Variants in PAM observed in about 807,000 individuals in gnomAD.
PAM encodes peptidyl-glycine alpha-amidating monooxygenase.
Under a neutral mutation model 122.1 loss-of-function variants are expected in PAM, and 72 were observed. The ratio of observed to expected loss-of-function variants is 0.59; its 90% CI spans 0.49 to 0.72. The LOEUF (loss-of-function observed/expected upper bound fraction) is 0.72. Ranked by LOEUF, PAM falls within the 30% of genes least tolerant of loss-of-function variation. PAM has a pLI of 0.00. For synonymous variants in PAM, 389 were observed against 404.4 expected, an observed-to-expected ratio of 0.96 and a Z score of 0.46; for missense variants, 1,106 against 1,183.7, an observed-to-expected ratio of 0.93 and a Z score of 0.96.
chr5:102,900,172 G>A (rs1188894964), intron 3 of PAM, among the ~76,000 whole-genome samples: 3 of 146,490 alleles, frequency 2.0e-5, no homozygotes, highest in South Asian at 4.3e-4. Flanking sequence ...CTTGAAGGGT[G>A]ATAGGATCAC....
At chr5:102,760,386 T>A (rs1456329821) in intron 1 of PAM, among the ~76,000 whole-genome samples, 27 of 152,186 alleles carry the variant, frequency 1.8e-4, no homozygotes, top group Admixed American at 1.6e-3. Flanking sequence ...TCTTCCAGCA[T>A]CCCCATGAAA....
intron 7 of PAM, among the ~76,000 whole-genome samples, chr5:102,929,319 C>T (rs1182201464): frequency 6.6e-6 from 1 of 152,038 alleles, no homozygotes; most frequent in Non-Finnish European, 1.5e-5. Flanking sequence ...TCCAGATGCA[C>T]CTAGAAGTGG....
chr5:102,847,669 A>G (rs1275998993), intron 1 of PAM, among the ~76,000 whole-genome samples: 5 of 152,228 alleles, frequency 3.3e-5, no homozygotes, highest in Non-Finnish European at 7.3e-5. Context: ...ATTTAGGTTA[A>G]TATCATTCCG....
intron 1 of PAM, among the ~76,000 whole-genome samples, chr5:102,779,611 G>A (rs536126308): frequency 6.6e-6 from 1 of 152,010 alleles, no homozygotes; most frequent in South Asian, 2.1e-4. Context: ...AGTGGGCTGG[G>A]GAAGGCAGAC....
chr5:102,787,945 G>A (rs1760990333), intron 1 of PAM, among the ~76,000 whole-genome samples: 1 of 151,908 alleles, frequency 6.6e-6, no homozygotes, highest in Non-Finnish European at 1.5e-5. Context: ...GGCAAATTTG[G>A]CAAAATAGAT....
At chr5:103,008,771 C>T (rs1269630184) in intron 20 of PAM, among the ~76,000 whole-genome samples, 1 of 151,852 alleles carries the variant, frequency 6.6e-6, no homozygotes, top group African/African-American at 2.4e-5. Flanking sequence ...GTTTGCCGCA[C>T]ATTTAAAGAA....
At chr5:102,988,286 T>G (rs1479110192) in intron 15 of PAM, among the ~76,000 whole-genome samples, 1 of 143,166 alleles carries the variant, frequency 7.0e-6, no homozygotes, top group Non-Finnish European at 1.5e-5. Context: ...ACACCAACGT[T>G]TGCTCCCGTG....
chr5:103,022,475 C>T (rs1261680138), intron 23 of PAM, among the ~76,000 whole-genome samples: 3 of 152,200 alleles, frequency 2.0e-5, no homozygotes, highest in East Asian at 1.9e-4. Flanking sequence ...TGCACTCACA[C>T]AGGAATGTAG....
rs1756178496 is a variant in PAM, at chr5:102,944,100, C to T, written c.527-2737C>T. On this transcript the variant is annotated intron_variant, in intron 7 of 25. Transcript: ENST00000438793. ...AAAAATTATTATTTCAACTTTTCCA[C>T]TGTAAATGTCCTCAACATTACAAAA... is the stretch of plus-strand genomic sequence containing the variant. Among the ~76,000 whole-genome samples, 2 of 152,114 alleles carry T rather than the reference C, an allele frequency of 1.3e-5. 1 individual carries two copies. The highest frequency in any genetic ancestry group is 4.1e-4 in the South Asian group (2 of 4,830).
chr5:102,908,412 C>A (rs1156351944), intron 4 of PAM, among the ~76,000 whole-genome samples: 1 of 151,904 alleles, frequency 6.6e-6, no homozygotes, highest in African/African-American at 2.4e-5. Context: ...AGTGTGATGC[C>A]TCCAGCTTTG....
At chr5:102,888,156 G>T (rs1793722336) in intron 3 of PAM, among the ~76,000 whole-genome samples, 1 of 152,054 alleles carries the variant, frequency 6.6e-6, no homozygotes, top group Admixed American at 6.6e-5. Flanking sequence ...GTGTATGGCA[G>T]TAGCCGACTC....
At chr5:102,876,162 C>G (rs1789141897) in intron 3 of PAM, among the ~76,000 whole-genome samples, 1 of 152,190 alleles carries the variant, frequency 6.6e-6, no homozygotes, top group African/African-American at 2.4e-5. Context: ...TTTTCTCCCT[C>G]AGAGCCTGTA....
At chr5:102,980,460 G>A (rs1049564094) in intron 15 of PAM, among the ~76,000 whole-genome samples, 2 of 152,100 alleles carry the variant, frequency 1.3e-5, no homozygotes, top group African/African-American at 4.8e-5. Flanking sequence ...GAGGCCTAAA[G>A]TCTGGCTCAA....
chr5:102,833,185 A>G (rs533606603), intron 1 of PAM, among the ~76,000 whole-genome samples: 1 of 152,264 alleles, frequency 6.6e-6, no homozygotes, highest in South Asian at 2.1e-4. Flanking sequence ...TGTGCACATC[A>G]TATCTTTGCC....
Position 102,779,974 on chromosome 5 carries a change from T to C in PAM, c.-374+24626T>C, listed in dbSNP as rs1025490733. Among the ~76,000 whole-genome samples the C allele has an allele frequency of 3.2e-4, 48 of 148,110 alleles. 1 individual carries two copies. Among genetic ancestry groups the C allele is most frequent in the African/African-American group, 1.2e-3 (47 of 40,154 alleles). On this transcript the variant is annotated intron_variant, in intron 1 of 25. Coordinates refer to ENST00000438793, the MANE Select transcript of PAM (RefSeq NM_001177306.2). ...ATAGTTCTGACCCTCCAGGGAATCC[T>C]AATATAGTTACCCTTGGTCAACTAT... is the stretch of plus-strand genomic sequence containing the variant.
At position 102,953,993 on chromosome 5, in the gene PAM, A is replaced by G. The variant is rs555754046; in HGVS notation, c.905+3173A>G. Among the ~76,000 whole-genome samples the G allele has an allele frequency of 5.3e-5, 8 of 152,308 alleles. No individual in the cohort carries two copies. In the South Asian group the frequency reaches 1.7e-3, roughly 32 times the overall value. ...ATGCCATTGCGCTTCAGACTGGGCT[A>G]TAGAGTAAATAACAGGAGCAATGTT... On this transcript the variant is annotated intron_variant, in intron 12 of 25. Coordinates refer to ENST00000438793, the MANE Select transcript of PAM (RefSeq NM_001177306.2).
At chr5:102,904,449 G>A (rs1798933964) in intron 4 of PAM, among the ~76,000 whole-genome samples, 1 of 151,394 alleles carries the variant, frequency 6.6e-6, no homozygotes, top group African/African-American at 2.4e-5. Flanking sequence ...TAAGGATTTT[G>A]GCCGTTTTCT....
At chr5:102,844,606 G>A (rs902193345) in intron 1 of PAM, among the ~76,000 whole-genome samples, 1 of 152,122 alleles carries the variant, frequency 6.6e-6, no homozygotes, top group Admixed American at 6.6e-5. Flanking sequence ...GTTCGAAGCT[G>A]CAGTGAGCTA....
intron 1 of PAM, among the ~76,000 whole-genome samples, chr5:102,856,356 A>T (rs1782621760): frequency 6.6e-6 from 1 of 152,200 alleles, no homozygotes; most frequent in Non-Finnish European, 1.5e-5. Flanking sequence ...TGGTAGGCAA[A>T]TTAGGATACA....
Sources: allele counts gnomAD v4.1 joint callset (sites outside exome capture counted in the v4.1 genomes callset), GRCh38; gene constraint gnomAD v4.1.1; transcripts MANE v1.5; gene names NCBI Gene and HGNC (gene_info 2026-07-23, HGNC 2026-07-21).